Variants in DLGAP2 observed in about 807,000 individuals in gnomAD.
The protein encoded by DLGAP2 is disks large-associated protein 2.
A neutral mutation model predicts 100.3 loss-of-function variants in DLGAP2; 26 were observed. The observed-to-expected ratio is 0.26, with a 90% CI of 0.19 to 0.36. DLGAP2 has a LOEUF of 0.36. Ranked by LOEUF, DLGAP2 falls within the 10% of genes least tolerant of loss-of-function variation. The pLI, the probability that DLGAP2 is intolerant of heterozygous loss-of-function variation, is 1.00. For synonymous variants in DLGAP2, 886 were observed against 630.1 expected, an observed-to-expected ratio of 1.41 and a Z score of -6.08; for missense variants, 1,858 against 1,453.2, an observed-to-expected ratio of 1.28 and a Z score of -4.53.
At chr8:939,750 T>G (rs1584906619) in intron 2 of DLGAP2, among the ~76,000 whole-genome samples, 1 of 80,414 alleles carries the variant, frequency 1.2e-5, no homozygotes, top group Admixed American at 1.4e-4. Flanking sequence ...GAGTGGGAGG[T>G]GCAGACACAG....
intron 2 of DLGAP2, among the ~76,000 whole-genome samples, chr8:1,135,503 G>GTTTT (rs3080806): frequency 0.14 from 13,024 of 92,220 alleles, 1,572 homozygotes; most frequent in Non-Finnish European, 0.19. Flanking sequence ...TTTTTTGTGG[G>GTTTT]TTTTTTTTTT....
chr8:1,479,540 G>T (rs1166385420), intron 3 of DLGAP2, among the ~76,000 whole-genome samples: 1 of 152,156 alleles, frequency 6.6e-6, no homozygotes, highest in Non-Finnish European at 1.5e-5. Flanking sequence ...CTTGATGGAG[G>T]ACCTAATTCA....
intron 6 of DLGAP2, among the ~76,000 whole-genome samples, chr8:1,595,540 G>C (rs950559155): frequency 3.3e-5 from 5 of 150,984 alleles, no homozygotes; most frequent in African/African-American, 9.7e-5. Context: ...GGTGGCGGGC[G>C]CCTGTAGTCC....
chr8:1,651,421 G>A (rs1798160812), intron 8 of DLGAP2, among the ~76,000 whole-genome samples: 1 of 152,160 alleles, frequency 6.6e-6, no homozygotes, highest in Admixed American at 6.5e-5. Flanking sequence ...CTGCTGGTGA[G>A]GGATCCAGCT....
In DLGAP2 at chr8:1,598,831, AT is replaced by A. The variant is rs1161035785; in HGVS notation, c.1443-27901del. On this transcript the variant is annotated intron_variant, in intron 6 of 14. Transcript: ENST00000637795. ...AAAAAACCAGCTTCTAGATTCATTG[AT>A]TTTTTTTGAAGGGTTTTTCATGTCT... Among the ~76,000 whole-genome samples the A allele has an allele frequency of 8.6e-5, 13 of 151,846 alleles. No homozygotes were observed. The South Asian group carries it at 1.2e-3, about 15-fold the overall frequency.
chr8:1,473,264 C>A (rs1240721028), intron 3 of DLGAP2, among the ~76,000 whole-genome samples: 2 of 152,144 alleles, frequency 1.3e-5, no homozygotes, highest in Admixed American at 1.3e-4. Flanking sequence ...TTCATAATCA[C>A]CAAAAACCTG....
chr8:1,226,313 C>G (rs1313891589), intron 2 of DLGAP2, among the ~76,000 whole-genome samples: 1 of 152,158 alleles, frequency 6.6e-6, no homozygotes, highest in Non-Finnish European at 1.5e-5. Context: ...GGACCATGTC[C>G]TTTGCAGGCG....
intron 3 of DLGAP2, among the ~76,000 whole-genome samples, chr8:1,486,911 C>T (rs1028483124): frequency 3.9e-5 from 6 of 152,106 alleles, no homozygotes; most frequent in African/African-American, 7.2e-5. Context: ...TCCACGTTCC[C>T]AATACTGCTG....
intron 6 of DLGAP2, among the ~76,000 whole-genome samples, chr8:1,623,758 T>G (rs926447242): frequency 5.9e-5 from 9 of 152,264 alleles, no homozygotes; most frequent in African/African-American, 2.2e-4. Flanking sequence ...GGAAGAGGCC[T>G]GGTTTATAGG....
At chr8:1,358,000 A>G (rs1801895802) in intron 3 of DLGAP2, among the ~76,000 whole-genome samples, 1 of 152,018 alleles carries the variant, frequency 6.6e-6, no homozygotes, top group African/African-American at 2.4e-5. Flanking sequence ...CTGTCTCAGG[A>G]CTCCTTGACA....
chr8:1,181,769 G>T (rs1013268982), intron 2 of DLGAP2, among the ~76,000 whole-genome samples: 3 of 152,110 alleles, frequency 2.0e-5, no homozygotes, highest in African/African-American at 7.2e-5. Flanking sequence ...CCCCAGGCTG[G>T]GCTAGGGATT....
intron 2 of DLGAP2, among the ~76,000 whole-genome samples, chr8:989,089 C>G (rs563551447): frequency 6.6e-6 from 1 of 152,210 alleles, no homozygotes; most frequent in Non-Finnish European, 1.5e-5. Flanking sequence ...CCCGTCTAGT[C>G]AGCCTCCATT....
intron 3 of DLGAP2, among the ~76,000 whole-genome samples, chr8:1,275,004 C>T (rs1585214202): frequency 6.6e-6 from 1 of 152,106 alleles, no homozygotes. Context: ...GATTCACTTC[C>T]CTGTTTATTG....
intron 2 of DLGAP2, among the ~76,000 whole-genome samples, chr8:1,069,700 C>G (rs981634773): frequency 2.0e-5 from 3 of 152,108 alleles, no homozygotes; most frequent in African/African-American, 7.2e-5. Context: ...AATGCTGTAC[C>G]TACGATAAAA....
At chr8:1,472,558 A>T (rs1798832260) in intron 3 of DLGAP2, among the ~76,000 whole-genome samples, 1 of 152,190 alleles carries the variant, frequency 6.6e-6, no homozygotes, top group Admixed American at 6.5e-5. Flanking sequence ...CCCGAGTGCC[A>T]GCAGTGGAGA....
chr8:1,167,583 C>G (rs374353579), intron 2 of DLGAP2, among the ~76,000 whole-genome samples: 18 of 152,248 alleles, frequency 1.2e-4, no homozygotes, highest in African/African-American at 3.9e-4. Context: ...ATAAGTGGCC[C>G]ACATTGAGGT....
intron 3 of DLGAP2, among the ~76,000 whole-genome samples, chr8:1,476,771 C>T (rs929088610): frequency 1.3e-5 from 2 of 150,118 alleles, no homozygotes; most frequent in South Asian, 2.1e-4. Flanking sequence ...CGAGTGCTGT[C>T]GGCCACCCAC....
rs1354842512 is a variant in DLGAP2 at position 1,008,502 on chromosome 8, A to T, written c.73+100536A>T. ...AGCTAACATTTGTATATAAAATCAT[A>T]TTTTCTTATTGATGCATTATAATTT... On this transcript the variant is annotated intron_variant, in intron 2 of 14. Transcript: ENST00000637795. Among the ~76,000 whole-genome samples, 4 of 152,222 alleles carry T rather than the reference A, an allele frequency of 2.6e-5. No individual in the cohort carries two copies. The East Asian group carries it at 7.7e-4, about 29-fold the overall frequency.
chr8:1,293,818 T>A (rs937030077), intron 3 of DLGAP2, among the ~76,000 whole-genome samples: 1 of 149,076 alleles, frequency 6.7e-6, no homozygotes, highest in Non-Finnish European at 1.5e-5. Flanking sequence ...TATTGGATAT[T>A]GTTAGTATTT....
Sources: gnomAD v4.1 joint callset for allele counts (sites outside exome capture counted in the v4.1 genomes callset) on GRCh38, gnomAD v4.1.1 for gene constraint, MANE v1.5 for transcripts, NCBI Gene and HGNC (gene_info 2026-07-23, HGNC 2026-07-21) for gene names.